Variants in ASCC1 observed in about 807,000 individuals in gnomAD.
ASCC1 encodes activating signal cointegrator 1 complex subunit 1.
A neutral mutation model predicts 46.6 loss-of-function variants in ASCC1; 35 were observed. The ratio of observed to expected loss-of-function variants is 0.75; its 90% CI spans 0.57 to 0.99. The LOEUF is 0.99. ASCC1 is among the 50% of genes least tolerant of loss of function. The probability of loss-of-function intolerance (pLI) is 0.00; values close to 1 mark genes in which losing one functional copy is unlikely to be tolerated. For missense variants in ASCC1, 376 were observed against 428.7 expected (o/e 0.88, Z 1.09); for synonymous variants, 143 against 146.6 (o/e 0.98, Z 0.18).
At position 72,196,950 on chromosome 10, in the gene ASCC1, C is replaced by G. The variant is rs779932786; in HGVS notation, c.350G>C (p.Arg117Pro). Residue 117 changes from arginine (R) to proline (P), a missense_variant, in exon 5 of 10, where the codon CGA becomes CCA. By Grantham distance (103) the Arg-to-Pro change is moderately radical. Coordinates refer to ENST00000672957, the MANE Select transcript of ASCC1 (RefSeq NM_001198800.3). ...GQHRNGVISARTRIDVLLDTF... is the reference protein window; with the variant it reads ...GQHRNGVISAPTRIDVLLDTF... ...GTCCAAAAGAACATCAATCCGTGTT[C>G]GGGCTGAAATTACACCATTTCGATG... The G allele has an allele frequency of 1.2e-6, 2 of 1,613,558 alleles. No individual in the cohort carries two copies. The highest frequency in any genetic ancestry group is 1.7e-5 in the Admixed American group (1 of 59,994).
intron 9 of ASCC1, among the ~76,000 whole-genome samples, chr10:72,107,135 CTT>C (rs1453344222): frequency 6.6e-6 from 1 of 151,604 alleles, no homozygotes; most frequent in Non-Finnish European, 1.5e-5. Flanking sequence ...ACTAGTATGA[CTT>C]CAGGGAGCAA....
rs535539538 is a variant in ASCC1, at chr10:72,195,705, A to C, written c.489+1106T>G. On this transcript the variant is annotated intron_variant, in intron 5 of 9. Coordinates refer to ENST00000672957, the MANE Select transcript of ASCC1 (RefSeq NM_001198800.3). ...CAAAATTAGCCGGGTATGGTGGCGC[A>C]TGCCTGTAATCCTAGCTACTCAGGA... Among the ~76,000 whole-genome samples, 6 of 152,026 alleles carry C rather than the reference A, an allele frequency of 3.9e-5. No individual in the cohort carries two copies. The East Asian group carries it at 1.2e-3, about 29-fold the overall frequency.
chr10:72,155,584 C>A (rs552651545), intron 6 of ASCC1, among the ~76,000 whole-genome samples: 6 of 152,300 alleles, frequency 3.9e-5, no homozygotes, highest in Admixed American at 1.3e-4. Flanking sequence ...CATACATATA[C>A]ATATCCAAAG....
intron 3 of ASCC1, among the ~76,000 whole-genome samples, chr10:72,209,739 G>A (rs992453892): frequency 9.2e-5 from 14 of 152,284 alleles, no homozygotes; most frequent in Admixed American, 4.6e-4. Context: ...AGCCAAGATC[G>A]TCCCATTGCA....
intron 7 of ASCC1, among the ~76,000 whole-genome samples, chr10:72,137,179 G>C (rs1237539521): frequency 1.3e-5 from 2 of 151,596 alleles, no homozygotes; most frequent in East Asian, 3.9e-4. Context: ...GCCTCCCAAA[G>C]TGCTGGGACG....
chr10:72,200,444 T>C (rs1856333308), intron 4 of ASCC1, among the ~76,000 whole-genome samples: 1 of 151,414 alleles, frequency 6.6e-6, no homozygotes, highest in African/African-American at 2.4e-5. Context: ...AGGTCGGGAG[T>C]TGGAGACCAG....
chr10:72,172,832 AT>A (rs1358381279), intron 5 of ASCC1, among the ~76,000 whole-genome samples: 3 of 128,960 alleles, frequency 2.3e-5, no homozygotes, highest in Admixed American at 9.1e-5. Flanking sequence ...TATATTTTAT[AT>A]TTTTATATTA....
At chr10:72,139,523 T>C (rs1286403809) in intron 7 of ASCC1, among the ~76,000 whole-genome samples, 1 of 152,218 alleles carries the variant, frequency 6.6e-6, no homozygotes, top group Non-Finnish European at 1.5e-5. Context: ...AAATTAAATA[T>C]AACAGGGTTG....
At chr10:72,200,809 C>T (rs10823907) in intron 4 of ASCC1, among the ~76,000 whole-genome samples, 20,852 of 152,012 alleles carry the variant, frequency 0.14, 4,078 homozygotes, top group African/African-American at 0.43. Context: ...AATAAAAGTC[C>T]TTCCAAATGC....
At chr10:72,206,534 A>G (rs1276485914) in intron 3 of ASCC1, among the ~76,000 whole-genome samples, 1 of 152,236 alleles carries the variant, frequency 6.6e-6, no homozygotes, top group Non-Finnish European at 1.5e-5. Flanking sequence ...AGCTCCATAC[A>G]GTCCATGCTG....
upstream of ASCC1, chr10:72,216,394 C>T (rs534556356): frequency 4.4e-5 from 8 of 180,886 alleles, no homozygotes; most frequent in South Asian, 6.1e-4. Context: ...GGAAAAGTGG[C>T]TAGGAGTTAG....
intron 9 of ASCC1, among the ~76,000 whole-genome samples, chr10:72,123,360 A>G (rs920084066): frequency 2.0e-5 from 3 of 151,508 alleles, no homozygotes; most frequent in African/African-American, 4.8e-5. Context: ...AAAAAATGAG[A>G]GCAGAAATGA....
intron 7 of ASCC1, among the ~76,000 whole-genome samples, chr10:72,137,156 C>T (rs57555911): frequency 6.6e-6 from 1 of 151,846 alleles, no homozygotes; most frequent in Non-Finnish European, 1.5e-5. Flanking sequence ...CCTCAAGCGA[C>T]CTTCCCTCCT....
intron 5 of ASCC1, among the ~76,000 whole-genome samples, chr10:72,169,134 G>A (rs1380216427): frequency 6.6e-6 from 1 of 152,156 alleles, no homozygotes; most frequent in Non-Finnish European, 1.5e-5. Context: ...TGATATTTCA[G>A]GACCTATTAT....
intron 9 of ASCC1, among the ~76,000 whole-genome samples, chr10:72,098,152 T>A (rs1422920004): frequency 3.3e-5 from 5 of 152,168 alleles, no homozygotes; most frequent in Non-Finnish European, 5.9e-5. Context: ...TGTGTCAGAG[T>A]GAGGGATGAA....
At chr10:72,115,776 G>A (rs1215229680) in intron 9 of ASCC1, among the ~76,000 whole-genome samples, 2 of 152,160 alleles carry the variant, frequency 1.3e-5, no homozygotes, top group Non-Finnish European at 2.9e-5. Context: ...TGAAAGGGAC[G>A]GTGGCAGGAA....
At chr10:72,145,877 A>C (rs1366289125) in intron 7 of ASCC1, among the ~76,000 whole-genome samples, 7 of 152,242 alleles carry the variant, frequency 4.6e-5, no homozygotes, top group African/African-American at 1.7e-4. Flanking sequence ...GAATAAACAA[A>C]TGACCAAATG....
At chr10:72,128,595 A>C (rs935003678) in intron 8 of ASCC1, among the ~76,000 whole-genome samples, 1 of 152,218 alleles carries the variant, frequency 6.6e-6, no homozygotes, top group Non-Finnish European at 1.5e-5. Context: ...AAGAGTTCAC[A>C]CATTAGCTAG....
At chr10:72,125,647 T>A (rs905343942) in intron 9 of ASCC1, among the ~76,000 whole-genome samples, 2 of 152,150 alleles carry the variant, frequency 1.3e-5, no homozygotes, top group Admixed American at 6.5e-5. Context: ...GGAGCCCACA[T>A]TTACTTTTAT....
Sources: allele counts gnomAD v4.1 joint callset (sites outside exome capture counted in the v4.1 genomes callset), GRCh38; gene constraint gnomAD v4.1.1; transcripts MANE v1.5; gene names NCBI Gene and HGNC (gene_info 2026-07-23, HGNC 2026-07-21).